The following OR51B5 variants were observed in gnomAD, a reference collection of about 807,000 sequenced individuals.
The protein encoded by OR51B5 is olfactory receptor 51B5.
For missense variants in OR51B5, 456 were observed against 374.6 expected (o/e 1.22, Z -1.79); for synonymous variants, 186 against 144.8 (o/e 1.28, Z -2.04).
chr11:5,452,583 C>T (rs1422565142), intron 1 of OR51B5, among the ~76,000 whole-genome samples: 7 of 83,528 alleles, frequency 8.4e-5, no homozygotes, highest in Non-Finnish European at 1.3e-4. Context: ...ACAACAAGAG[C>T]GACTTTACGA....
intron 1 of OR51B5, among the ~76,000 whole-genome samples, chr11:5,371,061 A>AT (rs2133706851): frequency 6.6e-6 from 1 of 152,340 alleles, no homozygotes; most frequent in South Asian, 2.1e-4. Flanking sequence ...AATTTGAGTG[A>AT]TAAAAATAGT....
chr11:5,397,766 G>A (rs1297597844), intron 1 of OR51B5, among the ~76,000 whole-genome samples: 1 of 150,816 alleles, frequency 6.6e-6, no homozygotes, highest in African/African-American at 2.4e-5. Context: ...GTTTATTGCG[G>A]CACTATTCAC....
At chr11:5,492,218 C>A (rs1315492953) in intron 1 of OR51B5, among the ~76,000 whole-genome samples, 1 of 151,994 alleles carries the variant, frequency 6.6e-6, no homozygotes, top group African/African-American at 2.4e-5. Flanking sequence ...CCAAGTCTGT[C>A]TCTCTCACAA....
chr11:5,488,824 G>A (rs1590025681), intron 1 of OR51B5: 2 of 1,614,048 alleles, frequency 1.2e-6, no homozygotes, highest in Non-Finnish European at 1.7e-6. Flanking sequence ...CATGTATCTT[G>A]TAGCACTGGT....
At chr11:5,390,078 C>T (rs1259080034) in intron 1 of OR51B5, 10 of 1,613,678 alleles carry the variant, frequency 6.2e-6, no homozygotes, top group African/African-American at 2.7e-5. Flanking sequence ...GTGCTCATCG[C>T]ACTGTCCTAT....
intron 1 of OR51B5, among the ~76,000 whole-genome samples, chr11:5,396,291 C>G (rs1163854458): frequency 6.6e-6 from 1 of 152,208 alleles, no homozygotes. Flanking sequence ...TCCCTGTTTG[C>G]AGATGACGTG....
rs143227112 is a variant in OR51B5, at chr11:5,422,560, G to C, written n.85-75650C>G. ...TGGAGTCTTCTGTCCTCCTGGCTAT[G>C]TCCGTTGACTGCTATGTGGCCATCT... On this transcript the variant is annotated intron_variant and non_coding_transcript_variant, in intron 1 of 4. Coordinates refer to the OR51B5 transcript ENST00000415970. The C allele has an allele frequency of 5.6e-5, 90 of 1,614,080 alleles. No individual in the cohort carries two copies. The African/African-American group carries it at 1.1e-3, about 21-fold the overall frequency.
chr11:5,459,065 T>C (rs1306947424), intron 1 of OR51B5, among the ~76,000 whole-genome samples: 1 of 152,214 alleles, frequency 6.6e-6, no homozygotes, highest in East Asian at 1.9e-4. Flanking sequence ...CTTTTGCCCA[T>C]TTAGTATGAT....
intron 1 of OR51B5, among the ~76,000 whole-genome samples, chr11:5,411,286 A>G (rs1236730134): frequency 6.6e-6 from 1 of 152,196 alleles, no homozygotes; most frequent in Non-Finnish European, 1.5e-5. Flanking sequence ...ACTGTGTTAC[A>G]ATTGCTTACA....
At chr11:5,402,990 C>A (rs531796540) in intron 1 of OR51B5, 1 of 471,408 alleles carries the variant, frequency 2.1e-6, no homozygotes, top group South Asian at 1.5e-5. Context: ...CCATCTACAG[C>A]CCACTGAGCT....
At chr11:5,353,039 T>A (rs2133689551) in intron 1 of OR51B5, among the ~76,000 whole-genome samples, 1 of 151,992 alleles carries the variant, frequency 6.6e-6, no homozygotes, top group Middle Eastern at 3.4e-3. Context: ...ATTTTTGGCT[T>A]CAGACATACA....
At chr11:5,471,959 G>A (rs1391017825) in intron 1 of OR51B5, among the ~76,000 whole-genome samples, 1 of 152,290 alleles carries the variant, frequency 6.6e-6, no homozygotes, top group East Asian at 1.9e-4. Flanking sequence ...TTGAGGGGCT[G>A]AAAGTTCCGG....
upstream of OR51B5, among the ~76,000 whole-genome samples, chr11:5,345,005 G>C (rs1052698252): frequency 1.2e-4 from 19 of 152,106 alleles, no homozygotes; most frequent in African/African-American, 4.6e-4. Context: ...GAGGAAAACT[G>C]TTCCAGAGGG....
intron 1 of OR51B5, among the ~76,000 whole-genome samples, chr11:5,471,227 C>A (rs1016411046): frequency 6.6e-6 from 1 of 152,090 alleles, no homozygotes; most frequent in African/African-American, 2.4e-5. Context: ...TTTATAACTC[C>A]CTGTAACTGT....
chr11:5,435,152 C>T lies in OR51B5; in HGVS notation n.84+70417G>A, dbSNP rs564436328. Among the ~76,000 whole-genome samples the T allele has an allele frequency of 5.1e-4, 78 of 152,318 alleles. 3 individuals are homozygous for T. The South Asian group carries it at 0.016, about 31-fold the overall frequency. On this transcript the variant is annotated intron_variant and non_coding_transcript_variant, in intron 1 of 4. Coordinates refer to the OR51B5 transcript ENST00000415970. ...AATCAAGAGTCCAATCTTGTACCCA[C>T]TGAGAGAATGTCCATCTTTATACAA...
chr11:5,448,248 G>T (rs966998582), intron 1 of OR51B5, among the ~76,000 whole-genome samples: 1 of 152,094 alleles, frequency 6.6e-6, no homozygotes, highest in African/African-American at 2.4e-5. Flanking sequence ...CCTAATTTTT[G>T]TTCCTAGGTT....
intron 1 of OR51B5, chr11:5,392,333 T>G (rs1849808017): frequency 6.6e-6 from 1 of 152,200 alleles, no homozygotes; most frequent in Non-Finnish European, 1.5e-5. Flanking sequence ...CAATAGCAGT[T>G]CCGAGACTTA....
intron 1 of OR51B5, among the ~76,000 whole-genome samples, chr11:5,444,290 G>A (rs996326280): frequency 6.6e-6 from 1 of 152,112 alleles, no homozygotes; most frequent in African/African-American, 2.4e-5. Flanking sequence ...ACACACAAAA[G>A]TCAGGTATCA....
In OR51B5 at chr11:5,351,893, G is replaced by A. The variant is rs868696424; in HGVS notation, n.85-4983C>T. 7.4e-6 allele frequency: 12 copies of A among 1,613,172 alleles called. No individual in the cohort carries two copies. The Middle Eastern group carries it at 2.0e-3, about 266-fold the overall frequency. Reference sequence around the variant, plus strand: ...TTCATTACCATCCGCAGCCCCTTAAGATATACCTCTATCCTGACCAACACC... The same window carrying A: ...TTCATTACCATCCGCAGCCCCTTAAAATATACCTCTATCCTGACCAACACC... On this transcript the variant is annotated intron_variant and non_coding_transcript_variant, in intron 1 of 4. Coordinates refer to the OR51B5 transcript ENST00000415970.
Sources: allele counts gnomAD v4.1 joint callset (sites outside exome capture counted in the v4.1 genomes callset), GRCh38; gene constraint gnomAD v4.1.1; transcripts MANE v1.5; gene names NCBI Gene and HGNC (gene_info 2026-07-23, HGNC 2026-07-21).